Variants in DLG2 observed in about 807,000 individuals in gnomAD.
DLG2 encodes the protein discs large MAGUK scaffold protein 2.
In DLG2, 45 loss-of-function variants were observed where a neutral mutation model predicts 132.5. The observed-to-expected ratio is 0.34, with a 90% confidence interval of 0.27 to 0.44. DLG2 has a LOEUF of 0.44. DLG2 is among the 20% of genes least tolerant of loss of function. The pLI, the probability that DLG2 is intolerant of heterozygous loss-of-function variation, is 1.00. For synonymous variants in DLG2, 424 were observed against 419.6 expected (o/e 1.01, Z -0.13); for missense variants, 1,045 against 1,196.9 (o/e 0.87, Z 1.87).
rs79838159 is a variant in DLG2, at chr11:83,740,981, G to A, written c.1825+45709C>T. Among the ~76,000 whole-genome samples, 466 of 152,202 alleles carry A rather than the reference G, an allele frequency of 3.1e-3. 2 individuals carry two copies. Among genetic ancestry groups the A allele is most frequent in the Non-Finnish European group, 5.2e-3 (351 of 68,002 alleles). ...CGTGATCAAGTAGGCATTTTCCTGC[G>A]AGGCAAGTTTGGTTCAACATACCCA... On this transcript the variant is annotated intron_variant, in intron 18 of 27. Coordinates refer to ENST00000376104, the MANE Select transcript of DLG2 (RefSeq NM_001142699.3).
chr11:83,624,423 T>A (rs1023854715), intron 19 of DLG2, among the ~76,000 whole-genome samples: 1 of 152,256 alleles, frequency 6.6e-6, no homozygotes, highest in Non-Finnish European at 1.5e-5. Context: ...TAAAATTAGC[T>A]GCCTAAAGAC....
chr11:83,846,569 T>C (rs977845887), intron 16 of DLG2, among the ~76,000 whole-genome samples: 2 of 152,170 alleles, frequency 1.3e-5, no homozygotes, highest in Non-Finnish European at 2.9e-5. Flanking sequence ...TAACATAAGG[T>C]CTTGGATTTA....
intron 18 of DLG2, among the ~76,000 whole-genome samples, chr11:83,755,754 A>C (rs1230889045): frequency 3.3e-5 from 5 of 151,444 alleles, no homozygotes; most frequent in African/African-American, 1.2e-4. Flanking sequence ...GAAAGGGGAA[A>C]GAGGGAGACA....
chr11:85,205,777 G>C (rs530862319), intron 4 of DLG2, among the ~76,000 whole-genome samples: 1 of 152,288 alleles, frequency 6.6e-6, no homozygotes, highest in Non-Finnish European at 1.5e-5. Context: ...AGCAAAGAAA[G>C]AGATCAGAGT....
Position 84,694,384 on chromosome 11 carries a change from A to G in DLG2, c.358-159653T>C, listed in dbSNP as rs544132593. The stretch of plus-strand genomic sequence containing the variant: ...AGTAATTTGAGAATACAGCTTTGCA[A>G]CTAATATTTGTAAGAAAACTACATT... On this transcript the variant is annotated intron_variant, in intron 6 of 27. Transcript: ENST00000376104. Among the ~76,000 whole-genome samples the G allele has an allele frequency of 1.1e-3, 164 of 151,802 alleles. 1 individual carries two copies. Among genetic ancestry groups the G allele is most frequent in the Non-Finnish European group, 1.9e-3 (132 of 67,718 alleles).
chr11:84,688,576 C>T (rs2057641608), intron 6 of DLG2, among the ~76,000 whole-genome samples: 1 of 152,120 alleles, frequency 6.6e-6, no homozygotes, highest in South Asian at 2.1e-4. Flanking sequence ...ACAGTTCTTG[C>T]CCTTAAGAAG....
At chr11:85,292,005 C>T (rs1158699157) in intron 3 of DLG2, among the ~76,000 whole-genome samples, 2 of 152,152 alleles carry the variant, frequency 1.3e-5, no homozygotes, top group African/African-American at 4.8e-5. Context: ...TTCAGCTGGA[C>T]AGTATAGCAC....
intron 7 of DLG2, among the ~76,000 whole-genome samples, chr11:84,372,925 C>G (rs541638330): frequency 6.6e-6 from 1 of 152,122 alleles, no homozygotes; most frequent in African/African-American, 2.4e-5. Context: ...TTGAGAGAGA[C>G]AATCACCTTA....
At chr11:83,870,324 A>G (rs1176660034) in intron 16 of DLG2, among the ~76,000 whole-genome samples, 1 of 152,156 alleles carries the variant, frequency 6.6e-6, no homozygotes, top group Non-Finnish European at 1.5e-5. Flanking sequence ...CCATGTGTAT[A>G]TATTATTTAG....
chr11:83,941,718 A>G (rs187816067), intron 14 of DLG2, among the ~76,000 whole-genome samples: 1 of 152,280 alleles, frequency 6.6e-6, no homozygotes, highest in Non-Finnish European at 1.5e-5. Context: ...AAATCAGCAT[A>G]TGTGCTTAAT....
At chr11:83,745,933 T>G (rs1246449998) in intron 18 of DLG2, among the ~76,000 whole-genome samples, 1 of 152,152 alleles carries the variant, frequency 6.6e-6, no homozygotes, top group Non-Finnish European at 1.5e-5. Flanking sequence ...GAACAGACAC[T>G]TCTCAAAAGA....
At chr11:84,271,035 A>C (rs2097714881) in intron 7 of DLG2, among the ~76,000 whole-genome samples, 2 of 152,206 alleles carry the variant, frequency 1.3e-5, no homozygotes, top group Non-Finnish European at 2.9e-5. Context: ...TCATTGGGTT[A>C]AAAAGTGCAT....
intron 18 of DLG2, among the ~76,000 whole-genome samples, chr11:83,750,646 T>C (rs1431489075): frequency 6.6e-6 from 1 of 152,160 alleles, no homozygotes; most frequent in Non-Finnish European, 1.5e-5. Context: ...GAAATAAATA[T>C]GCTTGCCTAT....
At chr11:85,316,336 C>T (rs966921727) in intron 3 of DLG2, among the ~76,000 whole-genome samples, 6 of 151,784 alleles carry the variant, frequency 4.0e-5, no homozygotes, top group African/African-American at 1.2e-4. Flanking sequence ...ATCTAAACAC[C>T]GATTTAAGCT....
At chr11:84,709,629 T>C (rs1052984042) in intron 6 of DLG2, among the ~76,000 whole-genome samples, 2 of 151,934 alleles carry the variant, frequency 1.3e-5, no homozygotes, top group Admixed American at 6.6e-5. Context: ...ACTTGCTTCT[T>C]ACATCTATGT....
At chr11:85,225,964 C>T (rs77582322) in intron 4 of DLG2, among the ~76,000 whole-genome samples, 1 of 152,034 alleles carries the variant, frequency 6.6e-6, no homozygotes, top group South Asian at 2.1e-4. Flanking sequence ...CCTAGCTCCC[C>T]AATGCCATCA....
At chr11:83,946,271 A>G (rs2083937580) in intron 14 of DLG2, among the ~76,000 whole-genome samples, 1 of 152,168 alleles carries the variant, frequency 6.6e-6, no homozygotes. Context: ...TACAGGCTTG[A>G]GCCACCACAC....
intron 11 of DLG2, among the ~76,000 whole-genome samples, chr11:83,994,348 T>A (rs538361159): frequency 6.6e-6 from 1 of 152,286 alleles, no homozygotes; most frequent in South Asian, 2.1e-4. Flanking sequence ...AACCCTTTTA[T>A]TTTGTATGCC....
At chr11:84,151,630 A>C (rs1285978695) in intron 9 of DLG2, among the ~76,000 whole-genome samples, 2 of 152,096 alleles carry the variant, frequency 1.3e-5, no homozygotes, top group Admixed American at 6.5e-5. Flanking sequence ...CTCTAGGCGT[A>C]ATGTTAGATT....
Sources: allele counts gnomAD v4.1 joint callset (sites outside exome capture counted in the v4.1 genomes callset), GRCh38; gene constraint gnomAD v4.1.1; transcripts MANE v1.5; gene names NCBI Gene and HGNC (gene_info 2026-07-23, HGNC 2026-07-21).